Variants in FAM227B observed in about 807,000 individuals in gnomAD.
FAM227B encodes family with sequence similarity 227 member B, also known as protein FAM227B.
A neutral mutation model predicts 73.8 loss-of-function variants in FAM227B; 88 were observed. The observed-to-expected ratio is 1.19, with a 90% CI of 1.00 to 1.42. The LOEUF is 1.42. Among genes scored for constraint, FAM227B ranks in the 40% most tolerant of loss-of-function variants. The pLI, the probability that FAM227B is intolerant of heterozygous loss-of-function variation, is 0.00. For synonymous variants in FAM227B, 210 were observed against 190.5 expected (o/e 1.10, Z -0.84); for missense variants, 632 against 590.9 (o/e 1.07, Z -0.72).
chr15:49,611,360 CTATT>C (rs1319703941), intron 2 of FAM227B, 92 bp from the exon 3 acceptor site: 50 of 649,578 alleles, frequency 7.7e-5, no homozygotes, highest in Middle Eastern at 7.9e-4. Flanking sequence ...AAATGATACT[CTATT>C]TATCATTTTC....
intron 7 of FAM227B, 32 bp downstream of exon 7, chr15:49,576,709 G>T: frequency 8.3e-7 from 1 of 1,207,864 alleles, no homozygotes; most frequent in Non-Finnish European, 1.2e-6. Flanking sequence ...CTGTCAAAAT[G>T]TATCCTACAA....
At chr15:49,458,603 T>A (rs930483990) in intron 11 of FAM227B, among the ~76,000 whole-genome samples, 1 of 152,262 alleles carries the variant, frequency 6.6e-6, no homozygotes, top group Admixed American at 6.5e-5. Flanking sequence ...CTTGTCTTTA[T>A]AGAAATCAGA....
intron 13 of FAM227B, among the ~76,000 whole-genome samples, chr15:49,353,251 G>C (rs968426733): frequency 6.6e-6 from 1 of 152,110 alleles, no homozygotes; most frequent in East Asian, 1.9e-4. Context: ...GCTCAAATTA[G>C]AGTAAAATTT....
At chr15:49,482,480 T>G (rs571613443) in intron 11 of FAM227B, among the ~76,000 whole-genome samples, 3 of 152,102 alleles carry the variant, frequency 2.0e-5, no homozygotes, top group African/African-American at 4.8e-5. Flanking sequence ...ATCTTTTTTT[T>G]AAGGCAGTAG....
intron 13 of FAM227B, among the ~76,000 whole-genome samples, chr15:49,354,601 C>G (rs965035134): frequency 1.3e-5 from 2 of 152,172 alleles, no homozygotes; most frequent in Admixed American, 6.5e-5. Context: ...GTCCTACGCC[C>G]ACGGAGTCTC....
intron 10 of FAM227B, among the ~76,000 whole-genome samples, chr15:49,532,625 A>C (rs2060695513): frequency 6.6e-6 from 1 of 151,844 alleles, no homozygotes; most frequent in Non-Finnish European, 1.5e-5. Context: ...TCTTCTTAAA[A>C]AAGAGCATTT....
chr15:49,590,158 A>G (rs2076439642), intron 3 of FAM227B, 151 bp from the exon 4 acceptor site: 1 of 579,752 alleles, frequency 1.7e-6, no homozygotes. Flanking sequence ...CACAAACGTC[A>G]GAAAAGTTAC....
At position 49,517,939 on chromosome 15, in the gene FAM227B, T is replaced by C. The variant is rs191944650; in HGVS notation, c.875-9591A>G. 2.8e-3 allele frequency among the ~76,000 whole-genome samples: 434 copies of C among 152,306 alleles called. 6 individuals are homozygous for C. The highest frequency in any genetic ancestry group is 0.027 in the South Asian group (128 of 4,822). ...TTTTGTTTAACTAAGTTTGTGTGATTTAACCATATTGTTGTATATAGATAT... is the reference window on the plus strand; with the variant it reads ...TTTTGTTTAACTAAGTTTGTGTGATCTAACCATATTGTTGTATATAGATAT... On this transcript the variant is annotated intron_variant, in intron 10 of 15. Transcript: ENST00000299338.
chr15:49,335,117 T>C (rs1162098381), intron 14 of FAM227B, among the ~76,000 whole-genome samples: 1 of 152,174 alleles, frequency 6.6e-6, no homozygotes, highest in Non-Finnish European at 1.5e-5. Context: ...GGGCTTATCT[T>C]TGTAAATGGA....
chr15:49,366,250 A>G, intron 13 of FAM227B: 1 of 786,470 alleles, frequency 1.3e-6, no homozygotes, highest in East Asian at 2.4e-5. Flanking sequence ...TCATATCTAT[A>G]AAGTCTTTGT....
intron 3 of FAM227B, among the ~76,000 whole-genome samples, chr15:49,591,398 T>C (rs1422373966): frequency 8.5e-5 from 8 of 93,834 alleles, no homozygotes; most frequent in East Asian, 8.1e-4. Flanking sequence ...CCCTCCCTCC[T>C]TCCTTCCTTC....
At chr15:49,484,542 G>A (rs920458465) in intron 11 of FAM227B, 15 of 1,163,380 alleles carry the variant, frequency 1.3e-5, no homozygotes, top group Non-Finnish European at 1.6e-5. Flanking sequence ...CCAGCAGGGA[G>A]ATTTCTTTAA....
rs1229089933 is a variant in FAM227B at position 49,489,845 on chromosome 15, ATATATATATATATTT to A, written c.1012+18351_1012+18365del. 3.0e-3 allele frequency among the ~76,000 whole-genome samples: 53 copies of A among 17,912 alleles called. 5 individuals are homozygous for A. The East Asian group carries it at 0.087, about 29-fold the overall frequency. 11.8% of individuals were successfully genotyped at this position (17,912 alleles called of 152,430 possible). The stretch of plus-strand genomic sequence containing the variant: ...TTTTATATATATATATATATTTTAT[ATATATATATATATTT>A]TATATATATATATATATATATATAG... On this transcript the variant is annotated intron_variant, in intron 11 of 15. Transcript: ENST00000299338.
At chr15:49,524,884 C>T (rs2060044473) in intron 10 of FAM227B, among the ~76,000 whole-genome samples, 1 of 152,134 alleles carries the variant, frequency 6.6e-6, no homozygotes, top group African/African-American at 2.4e-5. Context: ...TTTGTTTTGG[C>T]CAATTTCTCC....
chr15:49,347,712 A>C (rs562194031), intron 13 of FAM227B, among the ~76,000 whole-genome samples: 1 of 152,278 alleles, frequency 6.6e-6, no homozygotes, highest in Non-Finnish European at 1.5e-5. Context: ...CTTCAATGAA[A>C]ACTTCCATTA....
At chr15:49,519,841 G>C (rs2059655684) in intron 10 of FAM227B, among the ~76,000 whole-genome samples, 1 of 152,124 alleles carries the variant, frequency 6.6e-6, no homozygotes, top group African/African-American at 2.4e-5. Context: ...TTCTGCAGCT[G>C]GTTTGAATTT....
intron 3 of FAM227B, among the ~76,000 whole-genome samples, chr15:49,608,554 C>A (rs936572262): frequency 6.6e-6 from 1 of 151,856 alleles, no homozygotes; most frequent in Non-Finnish European, 1.5e-5. Context: ...TTATTTAGCT[C>A]TTTTTCCTTT....
At chr15:49,556,334 G>A (rs1598202217) in intron 9 of FAM227B, among the ~76,000 whole-genome samples, 1 of 152,118 alleles carries the variant, frequency 6.6e-6, no homozygotes, top group Non-Finnish European at 1.5e-5. Context: ...GAAATTAGAA[G>A]GCTATACAGC....
chr15:49,518,496 T>C (rs1002852962), intron 10 of FAM227B, among the ~76,000 whole-genome samples: 1 of 152,076 alleles, frequency 6.6e-6, no homozygotes, highest in Non-Finnish European at 1.5e-5. Flanking sequence ...AAAAGAGGTT[T>C]AATGGACTCA....
Sources: allele counts gnomAD v4.1 joint callset (sites outside exome capture counted in the v4.1 genomes callset), GRCh38; gene constraint gnomAD v4.1.1; transcripts MANE v1.5; gene names NCBI Gene and HGNC (gene_info 2026-07-23, HGNC 2026-07-21).